Variants in DTHD1 observed in about 807,000 individuals in gnomAD.
DTHD1 encodes death domain containing 1, also known as death domain-containing protein 1.
DTHD1 carries 59 observed loss-of-function variants against 74.8 expected under a neutral mutation model. That is an observed-to-expected ratio of 0.79 (90% confidence interval 0.64 to 0.98). DTHD1 has a LOEUF of 0.98. Among genes scored for constraint, DTHD1 ranks in the 50% least tolerant of loss-of-function variants. The pLI is 0.00. For synonymous variants in DTHD1, 365 were observed against 371.1 expected, an observed-to-expected ratio of 0.98 and a Z score of 0.19; for missense variants, 1,051 against 1,065.4, an observed-to-expected ratio of 0.99 and a Z score of 0.19.
intron 8 of DTHD1, among the ~76,000 whole-genome samples, chr4:36,336,002 G>T (rs1317427375): frequency 2.6e-5 from 4 of 152,202 alleles, no homozygotes. Flanking sequence ...GATAAGGCTT[G>T]CATTGTGCTT....
At chr4:36,333,557 A>T (rs146695681) in intron 8 of DTHD1, 34 of 152,332 alleles carry the variant, frequency 2.2e-4, no homozygotes, top group African/African-American at 7.7e-4. Context: ...GGGAAGCAGG[A>T]GAGACCAAGA....
intron 9 of DTHD1, 22 bp downstream of exon 9, chr4:36,339,191 ATCATTAT>A: frequency 6.6e-7 from 1 of 1,508,580 alleles, no homozygotes; most frequent in African/African-American, 1.4e-5. Context: ...TTGCTTTGTC[ATCATTAT>A]AGTGCTTCCC....
intron 7 of DTHD1, among the ~76,000 whole-genome samples, chr4:36,314,859 C>A (rs1269816866): frequency 2.7e-5 from 4 of 150,402 alleles, no homozygotes; most frequent in Non-Finnish European, 5.9e-5. Context: ...GTGTGCCAGG[C>A]CCTATGACAA....
Position 36,306,417 on chromosome 4 carries a change from A to G in DTHD1, c.1805+65A>G, listed in dbSNP as rs879087184. On this transcript the variant is annotated intron_variant, in intron 6 of 9. Coordinates refer to ENST00000639862, the MANE Select transcript of DTHD1 (RefSeq NM_001170700.3). ...TCTGATGGTCATAACTGGTGTTTAT[A>G]GAAATGGAATAGTAAGATTAAATTT... The G allele has an allele frequency of 4.3e-6, 6 of 1,409,612 alleles. No individual in the cohort carries two copies. In the South Asian group the frequency reaches 7.9e-5, roughly 18 times the overall value. 87.3% of individuals were successfully genotyped at this position (1,409,612 alleles called of 1,614,324 possible).
chr4:36,283,506 G>C (rs1755516433), intron 1 of DTHD1, among the ~76,000 whole-genome samples: 2 of 152,150 alleles, frequency 1.3e-5, no homozygotes, highest in African/African-American at 4.8e-5. Context: ...AGAAATAATG[G>C]AGGTATGGTG....
chr4:36,286,616 G>A (rs1755727513), intron 2 of DTHD1, among the ~76,000 whole-genome samples: 1 of 152,158 alleles, frequency 6.6e-6, no homozygotes, highest in Non-Finnish European at 1.5e-5. Flanking sequence ...TTAATGATGG[G>A]GACATGTTCA....
chr4:36,343,491 G>A lies in DTHD1; in HGVS notation c.2399-11G>A, dbSNP rs1759433311. ...GGTCCTAACCGTGAGTGTTCCTCCT[G>A]TGCCTGACAGAAGCCCTTTGGGATA... On this transcript the variant is annotated splice_polypyrimidine_tract_variant and intron_variant, in intron 9 of 9. Coordinates refer to ENST00000639862, the MANE Select transcript of DTHD1 (RefSeq NM_001170700.3). 1 of 1,548,986 alleles carries A rather than the reference G, an allele frequency of 6.5e-7. No individual in the cohort carries two copies. Among genetic ancestry groups the A allele is most frequent in the Admixed American group, 2.0e-5 (1 of 50,826 alleles).
rs1042448705 is a variant in DTHD1, at chr4:36,308,298, T to C, written c.1900T>C (p.Cys634Arg). 6.4e-7 allele frequency: 1 copy of C among 1,552,064 alleles called. No homozygotes were observed. Among genetic ancestry groups the C allele is most frequent in the Non-Finnish European group, 8.7e-7 (1 of 1,147,062 alleles). ...GGAAGCCATGCTCAGCACCACTGCC[T>C]GCATAGTACTGTCTCACCAGAAGGA... ...LEEAMLSTTA[C>R]IVLSHQKDNP... Residue 634 changes from cysteine (C) to arginine (R), a missense_variant, in exon 7 of 10, where the codon TGC becomes CGC. Transcript: ENST00000639862.
intron 8 of DTHD1, among the ~76,000 whole-genome samples, chr4:36,326,345 T>C (rs1285516663): frequency 6.7e-6 from 1 of 150,176 alleles, no homozygotes; most frequent in Non-Finnish European, 1.5e-5. Context: ...ATGATAATAA[T>C]GATGAATACC....
intron 2 of DTHD1, among the ~76,000 whole-genome samples, chr4:36,288,561 G>C (rs1755856508): frequency 6.6e-6 from 1 of 152,102 alleles, no homozygotes; most frequent in South Asian, 2.1e-4. Flanking sequence ...TGTTGAATAG[G>C]GTGTCCTTTC....
chr4:36,324,851 G>A (rs1197930682), intron 8 of DTHD1, among the ~76,000 whole-genome samples: 3 of 152,202 alleles, frequency 2.0e-5, no homozygotes, highest in Non-Finnish European at 4.4e-5. Flanking sequence ...GATGTTAAAT[G>A]CTAGGGCATT....
At chr4:36,296,875 C>T (rs1163904977) in intron 5 of DTHD1, among the ~76,000 whole-genome samples, 1 of 151,816 alleles carries the variant, frequency 6.6e-6, no homozygotes, top group Non-Finnish European at 1.5e-5. Context: ...TGAAAATGTG[C>T]GTATAACTTT....
At chr4:36,301,238 C>T (rs1253627063) in intron 5 of DTHD1, among the ~76,000 whole-genome samples, 1 of 152,178 alleles carries the variant, frequency 6.6e-6, no homozygotes, top group Non-Finnish European at 1.5e-5. Context: ...ATTTTGGGAA[C>T]TGTACTACAA....
intron 8 of DTHD1, among the ~76,000 whole-genome samples, chr4:36,330,475 G>A (rs886583722): frequency 2.2e-4 from 33 of 152,196 alleles, no homozygotes; most frequent in African/African-American, 7.7e-4. Flanking sequence ...ACCTCACAAG[G>A]ATGGGTGTGT....
At chr4:36,297,174 G>A (rs1312943141) in intron 5 of DTHD1, among the ~76,000 whole-genome samples, 3 of 152,190 alleles carry the variant, frequency 2.0e-5, no homozygotes, top group African/African-American at 7.2e-5. Context: ...TGGTCTTGCT[G>A]TCTCAGGAGT....
chr4:36,295,422 T>C (rs1314616974), intron 5 of DTHD1, among the ~76,000 whole-genome samples: 2 of 152,100 alleles, frequency 1.3e-5, no homozygotes, highest in Non-Finnish European at 2.9e-5. Flanking sequence ...AATCAGATAT[T>C]ATGCAAAGGG....
In DTHD1 at chr4:36,320,358, A is replaced by G. The variant is rs140206692; in HGVS notation, c.2340+3872A>G. Among the ~76,000 whole-genome samples, 424 of 152,388 alleles carry G rather than the reference A, an allele frequency of 2.8e-3. 3 individuals carry two copies. Among genetic ancestry groups the G allele is most frequent in the Non-Finnish European group, 3.5e-3 (239 of 68,038 alleles). On this transcript the variant is annotated intron_variant, in intron 8 of 9. Transcript: ENST00000639862. ...CTCTGTATTGCCAGTGCGGACACATAGTACATGCTTGATAAATATTTGTGA... is the reference window on the plus strand; with the variant it reads ...CTCTGTATTGCCAGTGCGGACACATGGTACATGCTTGATAAATATTTGTGA...
intron 7 of DTHD1, among the ~76,000 whole-genome samples, chr4:36,313,120 T>A (rs1757497552): frequency 6.6e-6 from 1 of 152,188 alleles, no homozygotes; most frequent in African/African-American, 2.4e-5. Flanking sequence ...TATTGTTACA[T>A]TTGTATTTTC....
chr4:36,311,146 A>G (rs1757382780), intron 7 of DTHD1: 1 of 152,254 alleles, frequency 6.6e-6, no homozygotes, highest in African/African-American at 2.4e-5. Flanking sequence ...CACGTGCTAA[A>G]CCAAGAGCGT....
Sources: allele counts gnomAD v4.1 joint callset (sites outside exome capture counted in the v4.1 genomes callset), GRCh38; gene constraint gnomAD v4.1.1; transcripts MANE v1.5; gene names NCBI Gene and HGNC (gene_info 2026-07-23, HGNC 2026-07-21).